Variants in EPS15L1 observed in about 807,000 individuals in gnomAD.
The protein encoded by EPS15L1 is epidermal growth factor receptor pathway substrate 15 like 1, also known as epidermal growth factor receptor substrate 15-like 1.
Under a neutral mutation model 117.1 loss-of-function variants are expected in EPS15L1, and 43 were observed. The observed-to-expected ratio is 0.37, with a 90% CI of 0.29 to 0.47. The LOEUF (loss-of-function observed/expected upper bound fraction) is 0.47, where lower values mean the gene tolerates loss of function less well. Among genes scored for constraint, EPS15L1 ranks in the 20% least tolerant of loss-of-function variants. The pLI, the probability that EPS15L1 is intolerant of heterozygous loss-of-function variation, is 0.99. For synonymous variants in EPS15L1, 459 were observed against 470.5 expected, an observed-to-expected ratio of 0.98 and a Z score of 0.32; for missense variants, 981 against 1,164.0, an observed-to-expected ratio of 0.84 and a Z score of 2.29.
intron 17 of EPS15L1, among the ~76,000 whole-genome samples, chr19:16,394,362 C>T (rs537519730): frequency 5.3e-5 from 8 of 152,166 alleles, no homozygotes; most frequent in Admixed American, 1.3e-4. Flanking sequence ...GGTAAGAGGA[C>T]ACAGGACCCT....
chr19:16,460,625 T>C (rs73511188), intron 1 of EPS15L1, among the ~76,000 whole-genome samples: 4,215 of 152,308 alleles, frequency 0.028, 62 homozygotes, highest in Middle Eastern at 0.044. Context: ...CCATCAGCAA[T>C]TGTGGAGCCT....
intron 15 of EPS15L1, among the ~76,000 whole-genome samples, chr19:16,403,473 C>T (rs1420618779): frequency 6.6e-6 from 1 of 152,112 alleles, no homozygotes; most frequent in Non-Finnish European, 1.5e-5. Flanking sequence ...TTAAGTGTTC[C>T]CACCCCACCC....
At chr19:16,363,284 C>T (rs560699527) in intron 22 of EPS15L1, among the ~76,000 whole-genome samples, 88 of 152,270 alleles carry the variant, frequency 5.8e-4, no homozygotes, top group African/African-American at 8.2e-4. Flanking sequence ...CTGGAAGTTT[C>T]GAAGCTAATG....
chr19:16,422,276 T>C (rs1011304290), intron 9 of EPS15L1, among the ~76,000 whole-genome samples: 1 of 152,200 alleles, frequency 6.6e-6, no homozygotes, highest in Non-Finnish European at 1.5e-5. Flanking sequence ...TTCAGAGGCA[T>C]TGAGGCCCCT....
At chr19:16,399,619 T>G (rs969317474) in intron 16 of EPS15L1, among the ~76,000 whole-genome samples, 1 of 151,998 alleles carries the variant, frequency 6.6e-6, no homozygotes, top group African/African-American at 2.4e-5. Flanking sequence ...AACAGTCTCA[T>G]CATGGTTGAT....
chr19:16,360,826 G>A (rs1219192754), intron 23 of EPS15L1, among the ~76,000 whole-genome samples: 1 of 152,142 alleles, frequency 6.6e-6, no homozygotes, highest in African/African-American at 2.4e-5. Context: ...GAAACAAATC[G>A]GGTGCTTTCT....
chr19:16,442,280 G>A (rs1337613441), intron 1 of EPS15L1, 61 bp from the exon 2 acceptor site: 11 of 1,474,378 alleles, frequency 7.5e-6, no homozygotes, highest in African/African-American at 1.4e-5. Flanking sequence ...GAAAAAAAGG[G>A]TTGCCCCCTC....
At chr19:16,432,393 C>A (rs1241538311) in intron 7 of EPS15L1, among the ~76,000 whole-genome samples, 1 of 152,064 alleles carries the variant, frequency 6.6e-6, no homozygotes, top group Non-Finnish European at 1.5e-5. Flanking sequence ...ATGGTGAAAC[C>A]CCATCTCTAC....
chr19:16,367,306 C>T lies in EPS15L1; in HGVS notation c.2381-5322G>A, dbSNP rs372782621. On this transcript the variant is annotated intron_variant, in intron 22 of 23. Transcript: ENST00000455140. ...GAAATTAAAGACCCTCTTGGGTGTG[C>T]TGACTGCCTACCGCAGGGAGACTTC... Among the ~76,000 whole-genome samples, 47 of 151,648 alleles carry T rather than the reference C, an allele frequency of 3.1e-4. 1 individual carries two copies. Among genetic ancestry groups the T allele is most frequent in the African/African-American group, 1.1e-3 (44 of 41,260 alleles).
intron 22 of EPS15L1, among the ~76,000 whole-genome samples, chr19:16,374,380 G>C (rs1485482684): frequency 6.6e-6 from 1 of 152,180 alleles, no homozygotes; most frequent in East Asian, 1.9e-4. Flanking sequence ...CCTGTGCCAC[G>C]AGTAAAGGAG....
intron 22 of EPS15L1, among the ~76,000 whole-genome samples, chr19:16,375,977 T>C (rs1006517346): frequency 2.0e-5 from 3 of 152,212 alleles, no homozygotes; most frequent in African/African-American, 7.2e-5. Flanking sequence ...ATGCGGAGCC[T>C]GCTAGGTCCA....
At chr19:16,394,320 T>C (rs541435543) in intron 17 of EPS15L1, among the ~76,000 whole-genome samples, 2 of 145,630 alleles carry the variant, frequency 1.4e-5, no homozygotes, top group Admixed American at 6.8e-5. Context: ...CATGCTGGGT[T>C]TCCTTTATCC....
In EPS15L1 at chr19:16,421,336, G is replaced by C. The variant is rs1201746345; in HGVS notation, c.933C>G (p.Asn311Lys). Residue 311 changes from asparagine to lysine, a missense_variant, in exon 10 of 24, where the codon AAC (asparagine) becomes AAG (lysine). Transcript: ENST00000455140. Reference protein sequence around the residue: ...EIFMHSGLTQNLLAHIWALAD... With the variant: ...EIFMHSGLTQKLLAHIWALAD... The stretch of plus-strand genomic sequence containing the variant: ...GGCCTTACCATATGTGTGCTAGAAG[G>C]TTCTGGGTGAGGCCCGAGTGCATGA... 1.2e-6 allele frequency: 2 copies of C among 1,612,632 alleles called. No homozygotes were observed. Among genetic ancestry groups the C allele is most frequent in the East Asian group, 4.5e-5 (2 of 44,832 alleles).
intron 12 of EPS15L1, among the ~76,000 whole-genome samples, chr19:16,414,860 C>A (rs2092742992): frequency 6.6e-6 from 1 of 151,944 alleles, no homozygotes; most frequent in African/African-American, 2.4e-5. Flanking sequence ...CAGGTGTGCC[C>A]CACCAGGCCT....
chr19:16,372,086 T>C (rs1037554388), intron 22 of EPS15L1, among the ~76,000 whole-genome samples: 4 of 152,226 alleles, frequency 2.6e-5, no homozygotes, highest in Non-Finnish European at 4.4e-5. Flanking sequence ...CAAAGCTCCA[T>C]GCATGCCCCA....
chr19:16,413,674 G>A (rs2092729026), intron 13 of EPS15L1, 99 bp downstream of exon 13: 1 of 1,022,266 alleles, frequency 9.8e-7, no homozygotes, highest in Non-Finnish European at 1.5e-6. Flanking sequence ...TCCATCCAGG[G>A]CAGACCCCTG....
intron 1 of EPS15L1, among the ~76,000 whole-genome samples, chr19:16,445,269 T>A (rs947398194): frequency 6.6e-6 from 1 of 152,174 alleles, no homozygotes; most frequent in Non-Finnish European, 1.5e-5. Flanking sequence ...TAAAGGCTCA[T>A]CCGGCTCGAA....
At chr19:16,468,637 C>T (rs888774310) in intron 1 of EPS15L1, among the ~76,000 whole-genome samples, 1 of 146,608 alleles carries the variant, frequency 6.8e-6, no homozygotes, top group Non-Finnish European at 1.5e-5. Flanking sequence ...TGAGCCACAG[C>T]GCCCAGCCAT....
intron 7 of EPS15L1, among the ~76,000 whole-genome samples, 176 bp downstream of exon 7, chr19:16,434,189 C>G (rs1045351371): frequency 6.6e-6 from 1 of 152,104 alleles, no homozygotes; most frequent in African/African-American, 2.4e-5. Context: ...AAGCCACACC[C>G]TAGGAAGCCC....
Sources: allele counts gnomAD v4.1 joint callset (sites outside exome capture counted in the v4.1 genomes callset), GRCh38; gene constraint gnomAD v4.1.1; transcripts MANE v1.5; gene names NCBI Gene and HGNC (gene_info 2026-07-23, HGNC 2026-07-21).